The following FIBCD1 variants were observed in gnomAD, a reference collection of about 807,000 sequenced individuals.
The protein encoded by FIBCD1 is fibrinogen C domain-containing protein 1.
Under a neutral mutation model 45.1 loss-of-function variants are expected in FIBCD1, and 47 were observed. That is an observed-to-expected ratio of 1.04 (90% CI 0.82 to 1.33). The LOEUF (loss-of-function observed/expected upper bound fraction) is 1.33. FIBCD1 is among the 40% of genes most tolerant of loss of function. FIBCD1 has a pLI of 0.00. For synonymous variants in FIBCD1, 313 were observed against 308.1 expected (o/e 1.02, Z -0.17); for missense variants, 653 against 682.2 (o/e 0.96, Z 0.48).
chr9:130,917,201 G>C (rs964076998), intron 4 of FIBCD1, among the ~76,000 whole-genome samples: 2 of 152,228 alleles, frequency 1.3e-5, no homozygotes, highest in African/African-American at 2.4e-5. Flanking sequence ...CTCCGGGGGG[G>C]CGTCTCTCTT....
intron 1 of FIBCD1, among the ~76,000 whole-genome samples, chr9:130,931,768 C>T (rs568328476): frequency 1.3e-5 from 2 of 152,374 alleles, no homozygotes; most frequent in East Asian, 3.9e-4. Context: ...AAAAGCAGAA[C>T]TGGGATTAGG....
At chr9:130,931,273 G>A (rs1455797495) in intron 1 of FIBCD1, among the ~76,000 whole-genome samples, 1 of 152,236 alleles carries the variant, frequency 6.6e-6, no homozygotes, top group African/African-American at 2.4e-5. Context: ...CACTTGGGAG[G>A]CCGAGGCGGG....
chr9:130,937,534 G>C (rs925272737), intron 1 of FIBCD1, among the ~76,000 whole-genome samples: 1 of 152,212 alleles, frequency 6.6e-6, no homozygotes, highest in African/African-American at 2.4e-5. Flanking sequence ...GCTCCTGAGA[G>C]GAAGGGACCA....
chr9:130,910,199 G>A (rs3932417), intron 5 of FIBCD1, among the ~76,000 whole-genome samples: 58,644 of 152,106 alleles, frequency 0.39, 13,280 homozygotes, highest in African/African-American at 0.61. Context: ...TGGGCTTGGC[G>A]GGCCCCACAC....
chr9:130,937,265 C>T (rs775186685), intron 1 of FIBCD1, among the ~76,000 whole-genome samples: 6 of 152,092 alleles, frequency 3.9e-5, no homozygotes, highest in Admixed American at 6.6e-5. Context: ...AAGAGGGGCG[C>T]GACCACCCCG....
At chr9:130,916,437 C>T (rs1043381686) in intron 4 of FIBCD1, among the ~76,000 whole-genome samples, 2 of 152,190 alleles carry the variant, frequency 1.3e-5, no homozygotes, top group Admixed American at 6.5e-5. Flanking sequence ...GCTAGGATCT[C>T]GGGCTTGGAA....
chr9:130,937,692 G>A (rs548352207), intron 1 of FIBCD1, among the ~76,000 whole-genome samples: 7 of 152,270 alleles, frequency 4.6e-5, no homozygotes, highest in South Asian at 4.1e-4. Context: ...CCTCGTTTTC[G>A]CCTGCCTGCC....
intron 3 of FIBCD1, 74 bp downstream of exon 3, chr9:130,924,163 C>A: frequency 2.1e-6 from 3 of 1,463,042 alleles, no homozygotes; most frequent in East Asian, 2.4e-5. Context: ...GCTGGGGAAC[C>A]CTCACCCCAA....
At position 130,920,679 on chromosome 9, in the gene FIBCD1, C is replaced by T. The variant is rs548197803; in HGVS notation, c.849+3065G>A. On this transcript the variant is annotated intron_variant, in intron 4 of 6. Coordinates refer to ENST00000372338, the MANE Select transcript of FIBCD1 (RefSeq NM_032843.5). ...GAGGACCACCTGCCGCCTCCCCTGCCGCCAAACCTCCTTAAACCAGATAGG... is the reference window on the plus strand; with the variant it reads ...GAGGACCACCTGCCGCCTCCCCTGCTGCCAAACCTCCTTAAACCAGATAGG... Among the ~76,000 whole-genome samples, 70 of 152,182 alleles carry T rather than the reference C, an allele frequency of 4.6e-4. 1 individual carries two copies. In the Middle Eastern group the frequency reaches 0.01, roughly 22 times the overall value.
At chr9:130,914,862 G>T (rs1474187005) in intron 4 of FIBCD1, among the ~76,000 whole-genome samples, 1 of 152,240 alleles carries the variant, frequency 6.6e-6, no homozygotes, top group Non-Finnish European at 1.5e-5. Flanking sequence ...ATGATGGGCA[G>T]TCGAGACTCA....
intron 5 of FIBCD1, 117 bp downstream of exon 5, chr9:130,911,675 G>A (rs1832051295): frequency 4.9e-6 from 4 of 823,790 alleles, no homozygotes; most frequent in Non-Finnish European, 7.9e-6. Context: ...TGGCTCAGGT[G>A]TGCCGAGGCC....
chr9:130,909,889 G>A (rs1832004653), intron 5 of FIBCD1, among the ~76,000 whole-genome samples: 1 of 152,222 alleles, frequency 6.6e-6, no homozygotes, highest in Non-Finnish European at 1.5e-5. Flanking sequence ...GTGTCCCAGT[G>A]GCAGGAAGGC....
At chr9:130,928,079 G>A (rs895811040) in intron 2 of FIBCD1, among the ~76,000 whole-genome samples, 3 of 152,250 alleles carry the variant, frequency 2.0e-5, no homozygotes, top group African/African-American at 7.2e-5. Flanking sequence ...TGGAAGGGAG[G>A]AGTTAGGAGC....
At chr9:130,930,169 C>T (rs1832424048) in intron 1 of FIBCD1, 123 bp from the exon 2 acceptor site, 6 of 1,253,278 alleles carry the variant, frequency 4.8e-6, no homozygotes, top group South Asian at 3.2e-5. Context: ...GGGCGTGGCA[C>T]AGAGACTGAG....
rs1832370583 is a variant in FIBCD1, at chr9:130,926,826, AAAAT to A, written c.553-2434_553-2431del. Among the ~76,000 whole-genome samples the A allele has an allele frequency of 1.3e-5, 2 of 152,206 alleles. No individual in the cohort carries two copies. On this transcript the variant is annotated intron_variant, in intron 2 of 6. Coordinates refer to ENST00000372338, the MANE Select transcript of FIBCD1 (RefSeq NM_032843.5). This position sits in a 1 kb window ranked among gnomAD's most constrained non-coding sequence, Gnocchi z 4.1. Reference sequence around the variant, plus strand: ...ACAGAGCGAGACAACCGTGTCTCAAAAAATAAATAAATGAATTAAAATAAAATAA... The same window carrying A: ...ACAGAGCGAGACAACCGTGTCTCAAAAAATAAATGAATTAAAATAAAATAA...
At chr9:130,932,952 C>T (rs1318452754) in intron 1 of FIBCD1, among the ~76,000 whole-genome samples, 1 of 152,204 alleles carries the variant, frequency 6.6e-6, no homozygotes, top group Non-Finnish European at 1.5e-5. Flanking sequence ...TTAAGGTCCC[C>T]TGGCGGGCGA....
intron 5 of FIBCD1, 23 bp downstream of exon 5, chr9:130,911,769 C>T (rs56126622): frequency 0.077 from 121,933 of 1,578,940 alleles, 7,344 homozygotes; most frequent in African/African-American, 0.32. Context: ...CCACCTGGGC[C>T]GGATGGTGGG....
intron 4 of FIBCD1, among the ~76,000 whole-genome samples, chr9:130,915,950 T>C (rs1832152086): frequency 1.4e-5 from 2 of 143,146 alleles, no homozygotes; most frequent in Non-Finnish European, 3.1e-5. Context: ...TTTTTTCTTT[T>C]GACACAGAGT....
chr9:130,932,603 G>T (rs1243091049), intron 1 of FIBCD1, among the ~76,000 whole-genome samples: 1 of 152,178 alleles, frequency 6.6e-6, no homozygotes, highest in Non-Finnish European at 1.5e-5. Flanking sequence ...TCAGGGCTCA[G>T]CTAGCTGTCA....
Sources: allele counts gnomAD v4.1 joint callset (sites outside exome capture counted in the v4.1 genomes callset), GRCh38; gene constraint gnomAD v4.1.1; non-coding constraint Gnocchi (gnomAD v3.1); transcripts MANE v1.5; gene names NCBI Gene and HGNC (gene_info 2026-07-23, HGNC 2026-07-21).